The following RIN3 variants were observed in gnomAD, a reference collection of about 807,000 sequenced individuals.
RIN3 encodes RAB5 interacting protein 3.
Under a neutral mutation model 76.3 loss-of-function variants are expected in RIN3, and 54 were observed. The observed-to-expected ratio is 0.71, with a 90% CI of 0.57 to 0.89. RIN3 has a LOEUF of 0.89. Ranked by LOEUF, RIN3 falls within the 40% of genes least tolerant of loss-of-function variation. The probability of loss-of-function intolerance (pLI) is 0.00; values close to 1 mark genes in which losing one functional copy is unlikely to be tolerated. For synonymous variants in RIN3, 576 were observed against 564.0 expected, an observed-to-expected ratio of 1.02 and a Z score of -0.30; for missense variants, 1,256 against 1,322.1, an observed-to-expected ratio of 0.95 and a Z score of 0.78.
chr14:92,592,323 C>T (rs1885005397), intron 3 of RIN3, among the ~76,000 whole-genome samples: 1 of 151,422 alleles, frequency 6.6e-6, no homozygotes, highest in African/African-American at 2.4e-5. Context: ...ATTGCTTGAA[C>T]CCAGGAAGCA....
intron 1 of RIN3, among the ~76,000 whole-genome samples, chr14:92,518,823 G>A (rs1051432938): frequency 5.3e-4 from 81 of 151,814 alleles, no homozygotes; most frequent in African/African-American, 1.8e-3. Flanking sequence ...GTGTGTGTGT[G>A]TGTCAGCATC....
intron 4 of RIN3, among the ~76,000 whole-genome samples, chr14:92,641,034 C>T (rs986974510): frequency 6.6e-6 from 1 of 152,170 alleles, no homozygotes; most frequent in Non-Finnish European, 1.5e-5. Flanking sequence ...ATCTCCACCT[C>T]TCTGGGTCCC....
At chr14:92,640,366 CTG>C (rs1217908525) in intron 4 of RIN3, among the ~76,000 whole-genome samples, 1 of 41,624 alleles carries the variant, frequency 2.4e-5, no homozygotes, top group Non-Finnish European at 4.9e-5. Context: ...GGCTGCCTGA[CTG>C]TGCGTTTGCT....
chr14:92,648,310 T>C lies in RIN3; in HGVS notation c.533-3272T>C, dbSNP rs1285568786. On this transcript the variant is annotated intron_variant, in intron 5 of 9. Transcript: ENST00000216487. This position sits in a 1 kb window ranked among gnomAD's most constrained non-coding sequence, Gnocchi z 4.1. Reference sequence around the variant, plus strand: ...GTCCCAGGTACCCAGGCCGAGAGCCTATTTGCCTGAACCCGTGTCTGCTCT... The same window carrying C: ...GTCCCAGGTACCCAGGCCGAGAGCCCATTTGCCTGAACCCGTGTCTGCTCT... 6.6e-6 allele frequency among the ~76,000 whole-genome samples: 1 copy of C among 152,188 alleles called. No homozygotes were observed. Among genetic ancestry groups the C allele is most frequent in the Non-Finnish European group, 1.5e-5 (1 of 68,040 alleles).
chr14:92,564,502 G>T (rs1227503789), intron 2 of RIN3, among the ~76,000 whole-genome samples: 1 of 152,194 alleles, frequency 6.6e-6, no homozygotes, highest in Non-Finnish European at 1.5e-5. Context: ...TCTTGGAATT[G>T]TTCAGCCTAC....
rs139070969 is a variant in RIN3 at position 92,674,591 on chromosome 14, G to A, written c.2336-1884G>A. Among the ~76,000 whole-genome samples the A allele has an allele frequency of 4.2e-3, 635 of 152,066 alleles. 5 individuals are homozygous for A. Among genetic ancestry groups the A allele is most frequent in the African/African-American group, 0.014 (595 of 41,478 alleles). Reference sequence around the variant, plus strand: ...CATACTCCAGCCTGGGCGACAGAGTGAAACCCTGTCTCAAAGGCCGGGCGC... The same window carrying A: ...CATACTCCAGCCTGGGCGACAGAGTAAAACCCTGTCTCAAAGGCCGGGCGC... On this transcript the variant is annotated intron_variant, in intron 7 of 9. Coordinates refer to ENST00000216487, the MANE Select transcript of RIN3 (RefSeq NM_024832.5).
Position 92,688,522 on chromosome 14 carries a change from G to C in RIN3, c.*270G>C, listed in dbSNP as rs529695851. The C allele has an allele frequency of 1.8e-5, 9 of 510,666 alleles. No individual in the cohort carries two copies. The East Asian group carries it at 3.0e-4, about 17-fold the overall frequency. The allele number at this position is 510,666 out of a possible 1,614,324, so 31.6% of individuals were successfully genotyped here. A position where few individuals can be genotyped will look rare whatever the true frequency, so the allele number is the denominator to read the frequency against. On this transcript the variant is annotated 3_prime_UTR_variant, in exon 10 of 10. Coordinates refer to ENST00000216487, the MANE Select transcript of RIN3 (RefSeq NM_024832.5). ...TGAGGCTCAGGAGAGAGGCGCTCCA[G>C]GCCGCTGCAGCCAACAAACCGGCGC...
chr14:92,659,176 C>T lies in RIN3; in HGVS notation c.2042C>T (p.Ser681Phe), dbSNP rs138388973. Residue 681 changes from serine (S) to phenylalanine (F), a missense_variant, in exon 7 of 10, where the codon TCT (serine) becomes TTT (phenylalanine). Coordinates refer to ENST00000216487, the MANE Select transcript of RIN3 (RefSeq NM_024832.5). ...SEEELEAIVE[S>F]ALYKCVLKPL... Reference sequence around the variant, plus strand: ...TTACCTGCAGAAGCAATTGTAGAGTCTGCCTTGTACAAATGTGTCCTGAAG... The same window carrying T: ...TTACCTGCAGAAGCAATTGTAGAGTTTGCCTTGTACAAATGTGTCCTGAAG... The T allele has an allele frequency of 1.2e-6, 2 of 1,614,136 alleles. No homozygotes were observed. The highest frequency in any genetic ancestry group is 1.7e-6 in the Non-Finnish European group (2 of 1,179,996).
intron 2 of RIN3, among the ~76,000 whole-genome samples, chr14:92,561,038 A>ATATATATATAT (rs1555383834): frequency 6.8e-5 from 1 of 14,620 alleles, no homozygotes; most frequent in African/African-American, 2.0e-4. Flanking sequence ...AAAAAAAAAA[A>ATATATATATAT]AAAAAAATAT....
At chr14:92,582,884 GC>G (rs1367194260) in intron 3 of RIN3, among the ~76,000 whole-genome samples, 2 of 152,164 alleles carry the variant, frequency 1.3e-5, no homozygotes, top group Non-Finnish European at 2.9e-5. Flanking sequence ...TGCCGCTCCT[GC>G]CTCTTTGCTC....
At chr14:92,645,471 C>T (rs999392519) in intron 5 of RIN3, among the ~76,000 whole-genome samples, 2 of 152,170 alleles carry the variant, frequency 1.3e-5, no homozygotes, top group Non-Finnish European at 2.9e-5. Context: ...CATGGAATAA[C>T]CTGGAAAACA....
intron 1 of RIN3, among the ~76,000 whole-genome samples, chr14:92,554,293 A>C (rs1225327730): frequency 6.6e-6 from 1 of 152,072 alleles, no homozygotes; most frequent in Non-Finnish European, 1.5e-5. Context: ...GGCAAACATG[A>C]GGGTCTTGGG....
intron 1 of RIN3, among the ~76,000 whole-genome samples, chr14:92,532,737 G>A (rs757912150): frequency 1.3e-5 from 2 of 152,180 alleles, no homozygotes; most frequent in Admixed American, 6.5e-5. Context: ...CAGGTTGCAG[G>A]TACTCTTAGA....
At chr14:92,557,029 T>A (rs942036952) in intron 2 of RIN3, among the ~76,000 whole-genome samples, 2 of 152,014 alleles carry the variant, frequency 1.3e-5, no homozygotes, top group African/African-American at 4.8e-5. Flanking sequence ...CCCTCCCCCT[T>A]CTCCCCTCCT....
chr14:92,679,301 G>C (rs75439522), intron 8 of RIN3, among the ~76,000 whole-genome samples: 2 of 152,126 alleles, frequency 1.3e-5, no homozygotes, highest in African/African-American at 4.8e-5. Flanking sequence ...GTCTGACCAC[G>C]GCAGTGTCAC....
intron 3 of RIN3, among the ~76,000 whole-genome samples, chr14:92,580,729 C>T (rs1191462067): frequency 6.6e-6 from 1 of 152,226 alleles, no homozygotes; most frequent in Admixed American, 6.5e-5. Context: ...TGACTCCAAG[C>T]CAGTAGGCTG....
chr14:92,574,808 G>C (rs1461077110), intron 2 of RIN3, among the ~76,000 whole-genome samples: 12 of 152,074 alleles, frequency 7.9e-5, no homozygotes, highest in Non-Finnish European at 1.3e-4. Flanking sequence ...CTGCTGCTCT[G>C]GAAGGGCCAT....
chr14:92,520,962 G>A lies in RIN3; in HGVS notation c.44+6986G>A, dbSNP rs528105054. ...GCATCTGGTGACAGCATTTATTATC[G>A]TTGCTTCTTTCTGTTCTTGACATTT... On this transcript the variant is annotated intron_variant, in intron 1 of 9. Transcript: ENST00000216487. Among the ~76,000 whole-genome samples, 12 of 152,220 alleles carry A rather than the reference G, an allele frequency of 7.9e-5. No homozygotes were observed. In the South Asian group the frequency reaches 8.3e-4, roughly 11 times the overall value.
intron 2 of RIN3, among the ~76,000 whole-genome samples, chr14:92,556,269 C>G (rs554472828): frequency 3.9e-5 from 6 of 151,998 alleles, no homozygotes; most frequent in Non-Finnish European, 8.8e-5. Flanking sequence ...GAGGACCATG[C>G]TGGCCTGCTC....
Sources: allele counts gnomAD v4.1 joint callset (sites outside exome capture counted in the v4.1 genomes callset), GRCh38; gene constraint gnomAD v4.1.1; non-coding constraint Gnocchi (gnomAD v3.1); transcripts MANE v1.5; gene names NCBI Gene and HGNC (gene_info 2026-07-23, HGNC 2026-07-21).